Variants in KNDC1 observed in about 807,000 individuals in gnomAD.
KNDC1 encodes kinase non-catalytic C-lobe domain containing 1.
A neutral mutation model predicts 172.8 loss-of-function variants in KNDC1; 106 were observed. The ratio of observed to expected loss-of-function variants is 0.61; its 90% CI spans 0.52 to 0.72. KNDC1 has a LOEUF of 0.72. Ranked by LOEUF, KNDC1 falls within the 30% of genes least tolerant of loss-of-function variation. The pLI is 0.00. For missense variants in KNDC1, 2,325 were observed against 2,394.5 expected, an observed-to-expected ratio of 0.97 and a Z score of 0.61; for synonymous variants, 1,083 against 1,062.2, an observed-to-expected ratio of 1.02 and a Z score of -0.38.
At chr10:133,216,403 C>T (rs769903258) in intron 26 of KNDC1, among the ~76,000 whole-genome samples, 1 of 152,074 alleles carries the variant, frequency 6.6e-6, no homozygotes, top group Non-Finnish European at 1.5e-5. Context: ...GCAGGCCGGT[C>T]GCAGTGGCTG....
chr10:133,204,399 T>C (rs1854465961), intron 17 of KNDC1, among the ~76,000 whole-genome samples: 1 of 152,196 alleles, frequency 6.6e-6, no homozygotes, highest in Admixed American at 6.5e-5. Context: ...CAGCTCAGTG[T>C]GGGAGGCAGG....
chr10:133,225,633 G>C lies in KNDC1; in HGVS notation c.*743G>C, dbSNP rs989067127. 2.6e-5 allele frequency: 4 copies of C among 152,542 alleles called. No individual in the cohort carries two copies. Among genetic ancestry groups the C allele is most frequent in the African/African-American group, 4.8e-5 (2 of 41,464 alleles). The allele number at this position is 152,542 out of a possible 1,614,324, so 9.4% of individuals were successfully genotyped here. ...GGCAAAGGCCCTGCTTCCTGGAAAGGACACTCAGAGCAGCTCCAAGACAGA... is the reference window on the plus strand; with the variant it reads ...GGCAAAGGCCCTGCTTCCTGGAAAGCACACTCAGAGCAGCTCCAAGACAGA... On this transcript the variant is annotated 3_prime_UTR_variant, in exon 30 of 30. Transcript: ENST00000304613.
chr10:133,202,164 G>T, intron 17 of KNDC1: 1 of 690,620 alleles, frequency 1.4e-6, no homozygotes, highest in Non-Finnish European at 2.6e-6. Context: ...TCTCATGGTC[G>T]CCCGGGCGAT....
rs1281999703 is a variant in KNDC1, at chr10:133,160,588, TG to T, written c.102+25del. On this transcript the variant is annotated intron_variant, in intron 1 of 29. Transcript: ENST00000304613. The stretch of plus-strand genomic sequence containing the variant: ...GGACGAGGTGAGCCCCCGGCCCCAC[TG>T]GGGGGCCCCTTCCGCCGCCGAGGGG... 8 of 1,523,666 alleles carry T rather than the reference TG, an allele frequency of 5.3e-6. No homozygotes were observed. The highest frequency in any genetic ancestry group is 3.9e-5 in the Admixed American group (2 of 51,318). The allele number at this position is 1,523,666 out of a possible 1,614,324, so 94.4% of individuals were successfully genotyped here. A position where few individuals can be genotyped will look rare whatever the true frequency, so the allele number is the denominator to read the frequency against.
chr10:133,177,303 AGT>A (rs542678054), intron 3 of KNDC1, among the ~76,000 whole-genome samples: 2 of 152,160 alleles, frequency 1.3e-5, no homozygotes, highest in South Asian at 2.1e-4. Context: ...GCATCTATGT[AGT>A]GTGTACATGT....
intron 26 of KNDC1, among the ~76,000 whole-genome samples, chr10:133,218,082 G>T (rs929620338): frequency 6.7e-6 from 1 of 150,116 alleles, no homozygotes; most frequent in East Asian, 1.9e-4. Context: ...AAAAAGAGTC[G>T]ATCCGGGGCA....
intron 1 of KNDC1, among the ~76,000 whole-genome samples, chr10:133,165,175 A>G (rs1448789634): frequency 6.6e-6 from 1 of 152,200 alleles, no homozygotes; most frequent in Non-Finnish European, 1.5e-5. Context: ...CTTCAGCCAC[A>G]GACCCCATGG....
chr10:133,205,801 C>T lies in KNDC1; in HGVS notation c.3388-884C>T, dbSNP rs186586874. Among the ~76,000 whole-genome samples, 482 of 152,268 alleles carry T rather than the reference C, an allele frequency of 3.2e-3. 3 individuals carry two copies. Among genetic ancestry groups the T allele is most frequent in the Non-Finnish European group, 4.9e-3 (331 of 68,030 alleles). Reference sequence around the variant, plus strand: ...AGTGAGTTGTGATCGCGCCACTGCACTCCCACCTGGGCAGCAGAGCGAATC... The same window carrying T: ...AGTGAGTTGTGATCGCGCCACTGCATTCCCACCTGGGCAGCAGAGCGAATC... On this transcript the variant is annotated intron_variant, in intron 17 of 29. Coordinates refer to ENST00000304613, the MANE Select transcript of KNDC1 (RefSeq NM_152643.8).
intron 23 of KNDC1, among the ~76,000 whole-genome samples, chr10:133,212,073 C>T (rs991860657): frequency 2.0e-5 from 3 of 152,170 alleles, no homozygotes; most frequent in East Asian, 1.9e-4. Flanking sequence ...CATATGCATG[C>T]ACCTTCACAC....
chr10:133,200,420 C>T lies in KNDC1; in HGVS notation c.2949C>T (p.Pro983=). The T allele has an allele frequency of 6.3e-7, 1 of 1,598,406 alleles. No homozygotes were observed. The highest frequency in any genetic ancestry group is 1.1e-5 in the South Asian group (1 of 89,128). ...CACAGCTCGAGGGCAGCCAAAGCCC[C>T]CGCTCCCCGTCCAGCAAGAGGCCGT... ...AGSQLEGSQS[P]RSPSSKRPSL... is the part of the protein sequence containing the mutation. The change falls in exon 16 of 30, where the codon CCC becomes CCT. Residue 983 remains proline, a synonymous_variant. Transcript: ENST00000304613.
At position 133,186,686 on chromosome 10, in the gene KNDC1, G is replaced by C. The variant is rs943644623; in HGVS notation, c.1326+12G>C. ...CAGCCGCGGAGCAGGTGGGTGCCTGGGTCTTGTGTGTGGGTGGAGGGGTCG... is the reference window on the plus strand; with the variant it reads ...CAGCCGCGGAGCAGGTGGGTGCCTGCGTCTTGTGTGTGGGTGGAGGGGTCG... On this transcript the variant is annotated intron_variant, in intron 6 of 29. Coordinates refer to ENST00000304613, the MANE Select transcript of KNDC1 (RefSeq NM_152643.8). 6.4e-7 allele frequency: 1 copy of C among 1,556,118 alleles called. No individual in the cohort carries two copies. The highest frequency in any genetic ancestry group is 8.6e-7 in the Non-Finnish European group (1 of 1,159,684).
chr10:133,198,367 T>C lies in KNDC1; in HGVS notation c.1937T>C (p.Leu646Pro). 6.3e-7 allele frequency: 1 copy of C among 1,595,952 alleles called. No individual in the cohort carries two copies. The highest frequency in any genetic ancestry group is 1.1e-5 in the South Asian group (1 of 88,712). ...CTGCCGGTGAACAGCGACACCGGGCTTGTGGCTGTGCCAGGGCCCGTGCCC... is the reference window on the plus strand; with the variant it reads ...CTGCCGGTGAACAGCGACACCGGGCCTGTGGCTGTGCCAGGGCCCGTGCCC... ...GFLPVNSDTG[L>P]VAVPGPVPGQ... is the part of the protein sequence containing the mutation. Residue 646 changes from leucine to proline, a missense_variant, in exon 13 of 30, where the codon CTT (leucine) becomes CCT (proline). By Grantham distance (98) the Leu-to-Pro change is moderately conservative. Coordinates refer to ENST00000304613, the MANE Select transcript of KNDC1 (RefSeq NM_152643.8).
chr10:133,201,930 G>T (rs753595355), intron 17 of KNDC1, 32 bp downstream of exon 17: 1 of 1,521,510 alleles, frequency 6.6e-7, no homozygotes, highest in Non-Finnish European at 8.8e-7. Context: ...TGCCGGGTGG[G>T]GCAGGGCGTC....
chr10:133,219,960 C>T lies in KNDC1; in HGVS notation c.4866C>T (p.Phe1622=). 1 of 1,550,636 alleles carries T rather than the reference C, an allele frequency of 6.4e-7. No homozygotes were observed. The highest frequency in any genetic ancestry group is 8.7e-7 in the Non-Finnish European group (1 of 1,146,652). The stretch of plus-strand genomic sequence containing the variant: ...CGCCCCGGCTGGACCACCAGGTCTT[C>T]CTGAAGAGCGACAGCCTGTGTCTGA... ...VMEELKAVEV[F]LKSDSLCLME... is the part of the protein sequence containing the mutation. The change falls in exon 29 of 30, where the codon TTC becomes TTT. Residue 1622 remains phenylalanine, a synonymous_variant. Coordinates refer to ENST00000304613, the MANE Select transcript of KNDC1 (RefSeq NM_152643.8).
chr10:133,224,949 G>A lies in KNDC1; in HGVS notation c.*59G>A. The A allele has an allele frequency of 1.4e-6, 2 of 1,394,638 alleles. No homozygotes were observed. Among genetic ancestry groups the A allele is most frequent in the Non-Finnish European group, 2.0e-6 (2 of 994,228 alleles). 86.4% of individuals were successfully genotyped at this position (1,394,638 alleles called of 1,614,324 possible). Reference sequence around the variant, plus strand: ...GAATCCGACTGTGGGGGGCGGGCTGGGAGGTGGGAGCCGCGTCTCAGGCCC... The same window carrying A: ...GAATCCGACTGTGGGGGGCGGGCTGAGAGGTGGGAGCCGCGTCTCAGGCCC... On this transcript the variant is annotated 3_prime_UTR_variant, in exon 30 of 30. Transcript: ENST00000304613. The surrounding 1 kb of genome is among the most constrained non-coding windows in gnomAD (Gnocchi z 5.4).
Position 133,209,476 on chromosome 10 carries a change from G to A in KNDC1, c.3795-1135G>A, listed in dbSNP as rs958598718. 3.3e-5 allele frequency among the ~76,000 whole-genome samples: 5 copies of A among 151,160 alleles called. No individual in the cohort carries two copies. The highest frequency in any genetic ancestry group is 2.1e-4 in the South Asian group (1 of 4,788). ...GTGGGGTATAGTGTGGCTTGTGTGC[G>A]CGTGTGTGGTGTGCGCGTCTGGTTG... On this transcript the variant is annotated intron_variant, in intron 20 of 29. Transcript: ENST00000304613. The surrounding 1 kb of genome is among the most constrained non-coding windows in gnomAD (Gnocchi z 4.9).
intron 23 of KNDC1, among the ~76,000 whole-genome samples, chr10:133,212,271 G>A (rs142380355): frequency 2.5e-4 from 37 of 149,222 alleles, no homozygotes; most frequent in Non-Finnish European, 3.1e-4. Context: ...ACGTGCACCC[G>A]CACACGCATC....
intron 3 of KNDC1, among the ~76,000 whole-genome samples, chr10:133,178,684 C>A (rs1306152499): frequency 6.6e-6 from 1 of 152,124 alleles, no homozygotes. Flanking sequence ...CTCTCATGAC[C>A]CCACACCCCC....
At chr10:133,161,658 G>T (rs1852973976) in intron 1 of KNDC1, among the ~76,000 whole-genome samples, 1 of 152,116 alleles carries the variant, frequency 6.6e-6, no homozygotes, top group Admixed American at 6.5e-5. Context: ...CCATGGCCTG[G>T]ATTCGGTGCA....
Sources: allele counts gnomAD v4.1 joint callset (sites outside exome capture counted in the v4.1 genomes callset), GRCh38; gene constraint gnomAD v4.1.1; non-coding constraint Gnocchi (gnomAD v3.1); transcripts MANE v1.5; gene names NCBI Gene and HGNC (gene_info 2026-07-23, HGNC 2026-07-21).